Variants in MERTK observed in about 807,000 individuals in gnomAD.
The protein encoded by MERTK is tyrosine-protein kinase Mer.
A neutral mutation model predicts 99.3 loss-of-function variants in MERTK; 69 were observed. That is an observed-to-expected ratio of 0.70 (90% CI 0.57 to 0.85). MERTK has a LOEUF of 0.85. Among genes scored for constraint, MERTK ranks in the 40% least tolerant of loss-of-function variants. The probability of loss-of-function intolerance (pLI) is 0.00; values close to 1 mark genes in which losing one functional copy is unlikely to be tolerated. For missense variants in MERTK, 1,125 were observed against 1,249.4 expected (o/e 0.90, Z 1.50); for synonymous variants, 426 against 467.6 (o/e 0.91, Z 1.15).
At chr2:111,932,851 A>C (rs896851348) in intron 2 of MERTK, among the ~76,000 whole-genome samples, 4 of 151,960 alleles carry the variant, frequency 2.6e-5, no homozygotes, top group African/African-American at 4.8e-5. Context: ...GTCAGATGGG[A>C]GGTTATCTTG....
chr2:111,940,768 A>G (rs1429047762), intron 2 of MERTK: 2 of 1,004,386 alleles, frequency 2.0e-6, no homozygotes, highest in Non-Finnish European at 1.6e-6. Context: ...TCCATATTCA[A>G]ATCTAACAGC....
chr2:112,020,916 A>G (rs1185806232), intron 16 of MERTK, among the ~76,000 whole-genome samples: 2 of 151,856 alleles, frequency 1.3e-5, no homozygotes, highest in African/African-American at 4.8e-5. Context: ...ACTTGAGGCT[A>G]GGCGTGGTAG....
At chr2:112,004,115 A>G (rs1676931883) in intron 13 of MERTK, 131 bp downstream of exon 13, 1 of 753,182 alleles carries the variant, frequency 1.3e-6, no homozygotes, top group Admixed American at 2.0e-5. Flanking sequence ...CTGGTCACCA[A>G]GGGGGACTTA....
intron 1 of MERTK, among the ~76,000 whole-genome samples, chr2:111,905,433 CTTTTTTTTTTTTT>C (rs61232340): frequency 2.3e-5 from 2 of 85,278 alleles, no homozygotes; most frequent in South Asian, 4.8e-4. Flanking sequence ...CTACACTGTT[CTTTTTTTTTTTTT>C]TTTTTTTTTT....
chr2:111,929,844 G>T (rs1684639468), intron 2 of MERTK, among the ~76,000 whole-genome samples: 1 of 151,392 alleles, frequency 6.6e-6, no homozygotes, highest in African/African-American at 2.4e-5. Context: ...TGGGTGATCC[G>T]GCCACCTAGG....
chr2:111,906,266 C>T (rs888129822), intron 1 of MERTK, among the ~76,000 whole-genome samples: 2 of 152,174 alleles, frequency 1.3e-5, no homozygotes, highest in African/African-American at 4.8e-5. Flanking sequence ...CTAGATACCT[C>T]AGCATTCAGG....
At chr2:111,956,989 G>A (rs1324293806) in intron 4 of MERTK, among the ~76,000 whole-genome samples, 1 of 143,958 alleles carries the variant, frequency 6.9e-6, no homozygotes, top group Non-Finnish European at 1.5e-5. Flanking sequence ...GTGCAGTGGC[G>A]TGATCTCAGC....
intron 1 of MERTK, among the ~76,000 whole-genome samples, chr2:111,911,809 C>G (rs1684254836): frequency 6.7e-6 from 1 of 149,706 alleles, no homozygotes; most frequent in Non-Finnish European, 1.5e-5. Context: ...CCACCTCAGC[C>G]TGTTGAGTAG....
chr2:111,955,686 T>C (rs1052672233), intron 4 of MERTK, among the ~76,000 whole-genome samples: 1 of 152,222 alleles, frequency 6.6e-6, no homozygotes, highest in African/African-American at 2.4e-5. Flanking sequence ...TATCATTGGG[T>C]AAAGCTGGGT....
intron 4 of MERTK, among the ~76,000 whole-genome samples, chr2:111,953,737 G>A (rs772758186): frequency 6.6e-6 from 1 of 152,074 alleles, no homozygotes; most frequent in African/African-American, 2.4e-5. Context: ...TATCATGCCC[G>A]GCTCATTTTT....
At chr2:112,007,854 G>T (rs1677016428) in intron 13 of MERTK, among the ~76,000 whole-genome samples, 1 of 148,410 alleles carries the variant, frequency 6.7e-6, no homozygotes. Context: ...TGGTGTTGGG[G>T]TTTTTTTTTT....
chr2:111,938,585 TG>T (rs1416004389), intron 2 of MERTK, among the ~76,000 whole-genome samples: 1 of 152,198 alleles, frequency 6.6e-6, no homozygotes, highest in Non-Finnish European at 1.5e-5. Context: ...TGTGCTGCCC[TG>T]GGGTGATGGG....
intron 4 of MERTK, among the ~76,000 whole-genome samples, chr2:111,948,091 A>C (rs1328512651): frequency 2.6e-5 from 4 of 152,162 alleles, no homozygotes; most frequent in African/African-American, 9.7e-5. Context: ...GCTCTTGTCA[A>C]TACCACTGAC....
chr2:112,018,078 G>C (rs1233182106), intron 15 of MERTK, among the ~76,000 whole-genome samples: 1 of 152,162 alleles, frequency 6.6e-6, no homozygotes, highest in East Asian at 1.9e-4. Context: ...TACACAAGAA[G>C]AAGGAGGAGG....
At chr2:111,956,617 G>T (rs1327668538) in intron 4 of MERTK, among the ~76,000 whole-genome samples, 1 of 152,094 alleles carries the variant, frequency 6.6e-6, no homozygotes, top group African/African-American at 2.4e-5. Context: ...TTTCTGTAAA[G>T]AATTACTTTG....
At chr2:112,014,075 G>A (rs912950422) in intron 15 of MERTK, among the ~76,000 whole-genome samples, 43 of 149,114 alleles carry the variant, frequency 2.9e-4, no homozygotes, top group Non-Finnish European at 5.6e-4. Flanking sequence ...AGGCTGGAGT[G>A]CAGTGGCGTG....
chr2:111,968,053 A>C, intron 5 of MERTK, 84 bp from the exon 6 acceptor site: 11 of 918,138 alleles, frequency 1.2e-5, no homozygotes, highest in Non-Finnish European at 1.8e-5. Flanking sequence ...AACAGGTATT[A>C]ATGCATTTGT....
At chr2:111,955,531 A>G (rs1351841966) in intron 4 of MERTK, among the ~76,000 whole-genome samples, 1 of 152,196 alleles carries the variant, frequency 6.6e-6, no homozygotes, top group African/African-American at 2.4e-5. Flanking sequence ...ATAAAATTGC[A>G]TAAACCTATA....
Position 112,028,656 on chromosome 2 carries a change from T to G in MERTK, c.2792T>G (p.Leu931Arg). ...AAACCTCATGAAGGACGGTACATCCTGAATGGGGGCAGTGAGGAATGGGAA... is the reference window on the plus strand; with the variant it reads ...AAACCTCATGAAGGACGGTACATCCGGAATGGGGGCAGTGAGGAATGGGAA... ...DSKPHEGRYI[L>R]NGGSEEWEDL... The change falls in exon 19 of 19, where the codon CTG (leucine) becomes CGG (arginine). Residue 931 changes from leucine to arginine, a missense_variant. By Grantham distance (102) the Leu-to-Arg change is moderately radical (BLOSUM62 -2). Coordinates refer to ENST00000295408, the MANE Select transcript of MERTK (RefSeq NM_006343.3). 2 of 1,614,206 alleles carry G rather than the reference T, an allele frequency of 1.2e-6. No homozygotes were observed. The highest frequency in any genetic ancestry group is 8.5e-7 in the Non-Finnish European group (1 of 1,180,032).
Sources: allele counts gnomAD v4.1 joint callset (sites outside exome capture counted in the v4.1 genomes callset), GRCh38; gene constraint gnomAD v4.1.1; transcripts MANE v1.5; gene names NCBI Gene and HGNC (gene_info 2026-07-23, HGNC 2026-07-21).